The following CEP89 variants were observed in gnomAD, a reference collection of about 807,000 sequenced individuals.
CEP89 encodes centrosomal protein 89.
In CEP89, 95 loss-of-function variants were observed where a neutral mutation model predicts 97.6. The ratio of observed to expected loss-of-function variants is 0.97; its 90% CI spans 0.82 to 1.15. The LOEUF (loss-of-function observed/expected upper bound fraction) is 1.15, where lower values mean the gene tolerates loss of function less well. Ranked by LOEUF, CEP89 falls within the 50% of genes most tolerant of loss-of-function variation. The pLI is 0.00. For synonymous variants in CEP89, 354 were observed against 349.1 expected, an observed-to-expected ratio of 1.01 and a Z score of -0.16; for missense variants, 869 against 947.7, an observed-to-expected ratio of 0.92 and a Z score of 1.09.
intron 14 of CEP89, among the ~76,000 whole-genome samples, chr19:32,906,110 A>G (rs974715798): frequency 1.3e-5 from 2 of 152,186 alleles, no homozygotes; most frequent in Non-Finnish European, 2.9e-5. Flanking sequence ...TGGGACATAT[A>G]TCTTAAAGAC....
intron 3 of CEP89, among the ~76,000 whole-genome samples, chr19:32,959,592 G>A (rs774256181): frequency 5.3e-5 from 8 of 152,144 alleles, no homozygotes; most frequent in African/African-American, 9.7e-5. Context: ...TGGAAGCAGC[G>A]CTGAATTCAT....
intron 14 of CEP89, among the ~76,000 whole-genome samples, chr19:32,908,540 G>A (rs1361576895): frequency 6.6e-6 from 1 of 152,194 alleles, no homozygotes; most frequent in Non-Finnish European, 1.5e-5. Context: ...TCGAATATGT[G>A]GAATTCCATG....
In CEP89 at chr19:32,939,552, T is replaced by C. The variant is rs189229088; in HGVS notation, c.624+305A>G. Among the ~76,000 whole-genome samples the C allele has an allele frequency of 9.9e-5, 15 of 151,332 alleles. No individual in the cohort carries two copies. The East Asian group carries it at 3.0e-3, about 31-fold the overall frequency. On this transcript the variant is annotated intron_variant, in intron 6 of 18. Coordinates refer to ENST00000305768, the MANE Select transcript of CEP89 (RefSeq NM_032816.5). Reference sequence around the variant, plus strand: ...AATTAGCTGGGTGTGGTGGCATGCATCTGCGATCCCAGCTACTCGGGAGGC... The same window carrying C: ...AATTAGCTGGGTGTGGTGGCATGCACCTGCGATCCCAGCTACTCGGGAGGC...
intron 4 of CEP89, among the ~76,000 whole-genome samples, chr19:32,949,908 T>C (rs984022313): frequency 2.6e-5 from 4 of 152,090 alleles, no homozygotes; most frequent in African/African-American, 9.7e-5. Flanking sequence ...CTAAGGCTGC[T>C]ACGTCCACCT....
intron 5 of CEP89, among the ~76,000 whole-genome samples, chr19:32,943,018 C>T (rs993602469): frequency 6.6e-6 from 1 of 151,846 alleles, no homozygotes; most frequent in Admixed American, 6.6e-5. Context: ...AGCTGCTGGG[C>T]TCAGATGATC....
Position 32,881,976 on chromosome 19 carries a change from A to AT in CEP89, c.2002dup (p.Ile668AsnfsTer50), listed in dbSNP as rs756185276. On this transcript the variant is annotated frameshift_variant, in exon 18 of 19. Transcript: ENST00000305768. LOFTEE classifies it high-confidence loss of function. Reference sequence around the variant, plus strand: ...CTGCTGCTCCAGCAGACGGTGACTGATGTCCCCCAGCTTCAGTGCTGCCTG... The same window carrying AT: ...CTGCTGCTCCAGCAGACGGTGACTGATTGTCCCCCAGCTTCAGTGCTGCCTG... 48 of 1,586,400 alleles carry AT rather than the reference A, an allele frequency of 3.0e-5. No individual in the cohort carries two copies. The highest frequency in any genetic ancestry group is 3.7e-5 in the Non-Finnish European group (43 of 1,166,546).
At chr19:32,896,779 CTT>C (rs1024819296) in intron 16 of CEP89, among the ~76,000 whole-genome samples, 2 of 146,410 alleles carry the variant, frequency 1.4e-5, no homozygotes, top group African/African-American at 2.5e-5. Flanking sequence ...CTCTCTCTCT[CTT>C]TTTTTTTTTA....
At chr19:32,924,914 A>G (rs977476306) in intron 11 of CEP89, among the ~76,000 whole-genome samples, 1 of 152,232 alleles carries the variant, frequency 6.6e-6, no homozygotes, top group South Asian at 2.1e-4. Flanking sequence ...CTTGACAGAA[A>G]GTCTGTGCTG....
intron 14 of CEP89, among the ~76,000 whole-genome samples, chr19:32,903,068 G>T (rs1227422050): frequency 6.6e-6 from 1 of 152,014 alleles, no homozygotes; most frequent in Non-Finnish European, 1.5e-5. Flanking sequence ...TTAGCCACAT[G>T]CGGTGGCTCA....
At chr19:32,963,892 C>T (rs1030856571) in intron 2 of CEP89, 1 of 146,132 alleles carries the variant, frequency 6.8e-6, no homozygotes, top group Non-Finnish European at 1.5e-5. Flanking sequence ...TTATAAAAGA[C>T]CACACACACA....
intron 4 of CEP89, among the ~76,000 whole-genome samples, chr19:32,950,554 G>T (rs990195671): frequency 1.3e-5 from 2 of 152,134 alleles, no homozygotes; most frequent in African/African-American, 4.8e-5. Flanking sequence ...GTGAAACTCT[G>T]CCCCCTTCAC....
chr19:32,939,893 A>G lies in CEP89; in HGVS notation c.596-8T>C. On this transcript the variant is annotated splice_region_variant and splice_polypyrimidine_tract_variant and intron_variant, in intron 5 of 18. Transcript: ENST00000305768. The stretch of plus-strand genomic sequence containing the variant: ...GAACAGGGTGTTTACCATCTGATGA[A>G]GAAAAAGAGAGAGAGATAAACTTTT... 8.0e-7 allele frequency: 1 copy of G among 1,253,400 alleles called. No homozygotes were observed. Among genetic ancestry groups the G allele is most frequent in the Non-Finnish European group, 1.1e-6 (1 of 875,550 alleles). The allele number at this position is 1,253,400 out of a possible 1,614,324, so 77.6% of individuals were successfully genotyped here.
intron 5 of CEP89, among the ~76,000 whole-genome samples, chr19:32,944,692 G>A (rs1461626858): frequency 3.3e-5 from 5 of 152,186 alleles, no homozygotes. Flanking sequence ...GATCAAAGAA[G>A]GGTCTGCAGA....
At position 32,966,466 on chromosome 19, in the gene CEP89, TC is replaced by T; in HGVS notation, c.40-1del. The T allele has an allele frequency of 2.7e-6, 4 of 1,508,508 alleles. No homozygotes were observed. Among genetic ancestry groups the T allele is most frequent in the Non-Finnish European group, 3.6e-6 (4 of 1,120,968 alleles). 93.4% of individuals were successfully genotyped at this position (1,508,508 alleles called of 1,614,324 possible). On this transcript the variant is annotated splice_acceptor_variant, in intron 1 of 18. Coordinates refer to ENST00000305768, the MANE Select transcript of CEP89 (RefSeq NM_032816.5). LOFTEE classifies it high-confidence loss of function. ...GGTAAAAGGCCATGGATGATGTGTT[TC>T]TGCACAAATGAAATCCAACAGAAGT...
At chr19:32,940,765 CTTTT>C (rs71338602) in intron 5 of CEP89, among the ~76,000 whole-genome samples, 1 of 143,406 alleles carries the variant, frequency 7.0e-6, no homozygotes, top group African/African-American at 2.5e-5. Flanking sequence ...CATCGAGTTG[CTTTT>C]TTTTTTTTTT....
In CEP89 at chr19:32,878,466, T is replaced by C. The variant is rs1189308397; in HGVS notation, c.*696A>G. 1.3e-5 allele frequency: 2 copies of C among 152,152 alleles called. No individual in the cohort carries two copies. The highest frequency in any genetic ancestry group is 2.9e-5 in the Non-Finnish European group (2 of 68,066). 9.4% of individuals were successfully genotyped at this position (152,152 alleles called of 1,614,324 possible). ...CATGGCCTGGCTCCTCGGGTGACAC[T>C]TCCCCATCTGACACATGGCACGAGG... On this transcript the variant is annotated 3_prime_UTR_variant, in exon 19 of 19. Coordinates refer to ENST00000305768, the MANE Select transcript of CEP89 (RefSeq NM_032816.5).
chr19:32,914,894 C>T (rs1684045704), intron 14 of CEP89, among the ~76,000 whole-genome samples: 1 of 151,888 alleles, frequency 6.6e-6, no homozygotes, highest in South Asian at 2.1e-4. Flanking sequence ...TGGTGAGCCG[C>T]CCCTGTAATC....
At chr19:32,921,719 C>G (rs926709637) in intron 12 of CEP89, among the ~76,000 whole-genome samples, 1 of 152,070 alleles carries the variant, frequency 6.6e-6, no homozygotes, top group Non-Finnish European at 1.5e-5. Context: ...GTCCACTGTT[C>G]AAGGAGGGTG....
chr19:32,905,859 C>G (rs1264960287), intron 14 of CEP89, among the ~76,000 whole-genome samples: 1 of 152,176 alleles, frequency 6.6e-6, no homozygotes, highest in East Asian at 1.9e-4. Flanking sequence ...GCTGGGATTA[C>G]AGACGGTAAG....
Sources: gnomAD v4.1 joint callset for allele counts (sites outside exome capture counted in the v4.1 genomes callset) on GRCh38, gnomAD v4.1.1 for gene constraint, MANE v1.5 for transcripts, NCBI Gene and HGNC (gene_info 2026-07-23, HGNC 2026-07-21) for gene names.